Variants in EIPR1 observed in about 807,000 individuals in gnomAD.
EIPR1 encodes the protein EARP and GARP complex-interacting protein 1.
EIPR1 carries 25 observed loss-of-function variants against 48.1 expected under a neutral mutation model. That is an observed-to-expected ratio of 0.52 (90% CI 0.38 to 0.73). The LOEUF is 0.73. Among genes scored for constraint, EIPR1 ranks in the 30% least tolerant of loss-of-function variants. EIPR1 has a pLI of 0.00. For missense variants in EIPR1, 415 were observed against 506.2 expected (o/e 0.82, Z 1.73); for synonymous variants, 204 against 201.9 (o/e 1.01, Z -0.09).
At chr2:3,217,044 C>T (rs1376614817) in intron 4 of EIPR1, among the ~76,000 whole-genome samples, 1 of 152,180 alleles carries the variant, frequency 6.6e-6, no homozygotes, top group Non-Finnish European at 1.5e-5. Context: ...CAACCTGTGT[C>T]ACCATCTGGT....
chr2:3,189,281 A>G lies in EIPR1; in HGVS notation c.*53T>C. 2 of 1,463,432 alleles carry G rather than the reference A, an allele frequency of 1.4e-6. No homozygotes were observed. The allele number at this position is 1,463,432 out of a possible 1,614,324, so 90.7% of individuals were successfully genotyped here. A position where few individuals can be genotyped will look rare whatever the true frequency, so the allele number is the denominator to read the frequency against. ...TCCAAAGAGCTGCGACTGTTTGAGAATCTGCCAAGAGGAAAACCACTCAAT... is the reference window on the plus strand; with the variant it reads ...TCCAAAGAGCTGCGACTGTTTGAGAGTCTGCCAAGAGGAAAACCACTCAAT... On this transcript the variant is annotated 3_prime_UTR_variant, in exon 9 of 9. Transcript: ENST00000382125. This position sits in a 1 kb window ranked among gnomAD's most constrained non-coding sequence, Gnocchi z 4.6.
At chr2:3,242,615 C>T (rs1276002854) in intron 4 of EIPR1, among the ~76,000 whole-genome samples, 2 of 152,202 alleles carry the variant, frequency 1.3e-5, no homozygotes, top group African/African-American at 2.4e-5. Flanking sequence ...TTTCAGATGG[C>T]GTGGAAGCTT....
At chr2:3,295,752 G>A (rs1248516034) in intron 3 of EIPR1, among the ~76,000 whole-genome samples, 4 of 105,468 alleles carry the variant, frequency 3.8e-5, no homozygotes, top group Admixed American at 1.1e-4. Context: ...CCTCCATCCA[G>A]CCCGTCCTCT....
chr2:3,288,962 G>A (rs1040388669), intron 3 of EIPR1, among the ~76,000 whole-genome samples: 17 of 152,182 alleles, frequency 1.1e-4, no homozygotes, highest in Non-Finnish European at 1.8e-4. Context: ...GCCCCACCCC[G>A]CACACAGCCT....
intron 4 of EIPR1, among the ~76,000 whole-genome samples, chr2:3,225,438 A>G (rs1404281171): frequency 6.6e-6 from 1 of 152,054 alleles, no homozygotes. Context: ...TAAAGACAAG[A>G]TCTCCCTACA....
chr2:3,258,503 T>TAA (rs11372674), intron 3 of EIPR1, among the ~76,000 whole-genome samples: 4 of 151,738 alleles, frequency 2.6e-5, no homozygotes, highest in African/African-American at 4.8e-5. Flanking sequence ...CGTTAGAACA[T>TAA]AAAAAAACAT....
At chr2:3,245,333 C>G (rs1371431430) in intron 4 of EIPR1, among the ~76,000 whole-genome samples, 1 of 152,166 alleles carries the variant, frequency 6.6e-6, no homozygotes, top group Admixed American at 6.5e-5. Context: ...CTGCCTCAGC[C>G]TCCTGAGTAC....
intron 5 of EIPR1, among the ~76,000 whole-genome samples, chr2:3,200,416 G>A (rs1664989446): frequency 6.6e-6 from 1 of 152,186 alleles, no homozygotes; most frequent in South Asian, 2.1e-4. Flanking sequence ...CCGCTCTACT[G>A]TCGTATGTGC....
chr2:3,281,557 C>G (rs1668011808), intron 3 of EIPR1, among the ~76,000 whole-genome samples: 1 of 152,108 alleles, frequency 6.6e-6, no homozygotes, highest in African/African-American at 2.4e-5. Context: ...TCAGCGGCTC[C>G]AAAAAGTCAC....
chr2:3,209,956 T>C (rs1437962043), intron 5 of EIPR1, among the ~76,000 whole-genome samples: 1 of 152,012 alleles, frequency 6.6e-6, no homozygotes, highest in Admixed American at 6.5e-5. Flanking sequence ...AGAGGACAGG[T>C]GTCAGGACAC....
intron 2 of EIPR1, among the ~76,000 whole-genome samples, chr2:3,346,666 A>C (rs1363452954): frequency 6.6e-6 from 1 of 152,222 alleles, no homozygotes; most frequent in Admixed American, 6.5e-5. Context: ...ATGCATACAC[A>C]AAGACAGACA....
In EIPR1 at chr2:3,312,719, G is replaced by C. The variant is rs1669166960; in HGVS notation, c.259+25298C>G. Among the ~76,000 whole-genome samples, 1 of 152,146 alleles carries C rather than the reference G, an allele frequency of 6.6e-6. No homozygotes were observed. Among genetic ancestry groups the C allele is most frequent in the Non-Finnish European group, 1.5e-5 (1 of 68,036 alleles). ...CACTGGTCCCTTCAACGAGATCTTT[G>C]GTGCCCCAGGCTTGAGAAGGTTCTT... is the stretch of plus-strand genomic sequence containing the variant. On this transcript the variant is annotated intron_variant, in intron 3 of 8. Coordinates refer to ENST00000382125, the MANE Select transcript of EIPR1 (RefSeq NM_003310.5). The surrounding 1 kb of genome is among the most constrained non-coding windows in gnomAD (Gnocchi z 5.5).
intron 3 of EIPR1, among the ~76,000 whole-genome samples, chr2:3,329,735 G>A (rs992101085): frequency 1.3e-4 from 17 of 135,766 alleles, no homozygotes; most frequent in Non-Finnish European, 3.1e-5. Flanking sequence ...GGCTCTACTC[G>A]CCATGCTCTA....
intron 5 of EIPR1, chr2:3,208,831 G>A: frequency 6.5e-7 from 1 of 1,548,836 alleles, no homozygotes; most frequent in Non-Finnish European, 8.7e-7. Flanking sequence ...CGTGGCAGGT[G>A]CAGGTGTCTG....
At chr2:3,352,518 G>A (rs1037129470) in intron 2 of EIPR1, among the ~76,000 whole-genome samples, 1 of 152,256 alleles carries the variant, frequency 6.6e-6, no homozygotes, top group Non-Finnish European at 1.5e-5. Context: ...CACACTGTCT[G>A]TTCCTGACAT....
intron 4 of EIPR1, among the ~76,000 whole-genome samples, chr2:3,253,672 G>C (rs1030434175): frequency 1.3e-5 from 2 of 152,212 alleles, no homozygotes; most frequent in Non-Finnish European, 2.9e-5. Context: ...TCTGATTAGT[G>C]TTCTGGGGGG....
In EIPR1 at chr2:3,338,159, C is replaced by G. The variant is rs750762360; in HGVS notation, c.127-10G>C. On this transcript the variant is annotated splice_polypyrimidine_tract_variant and intron_variant, in intron 2 of 8. Transcript: ENST00000382125. ...AATCTATGATATGGATCTACAAATA[C>G]AAGAAAAGAGCACATCAGGATCTCA... is the stretch of plus-strand genomic sequence containing the variant. 3.1e-6 allele frequency: 5 copies of G among 1,608,038 alleles called. No individual in the cohort carries two copies. The highest frequency in any genetic ancestry group is 2.2e-5 in the South Asian group (2 of 89,342).
intron 1 of EIPR1, among the ~76,000 whole-genome samples, chr2:3,374,803 A>C (rs1355281966): frequency 1.2e-4 from 17 of 141,306 alleles, no homozygotes; most frequent in Admixed American, 8.5e-4. Flanking sequence ...TAGTTCAACC[A>C]TTGTGGAAGT....
intron 3 of EIPR1, among the ~76,000 whole-genome samples, chr2:3,314,111 C>A (rs1220571912): frequency 6.6e-6 from 1 of 152,182 alleles, no homozygotes; most frequent in Non-Finnish European, 1.5e-5. Context: ...GTCATTGGGG[C>A]GCCGCGCTGG....
Sources: allele counts gnomAD v4.1 joint callset (sites outside exome capture counted in the v4.1 genomes callset), GRCh38; gene constraint gnomAD v4.1.1; non-coding constraint Gnocchi (gnomAD v3.1); transcripts MANE v1.5; gene names NCBI Gene and HGNC (gene_info 2026-07-23, HGNC 2026-07-21).